Variants in NECTIN1 observed in about 807,000 individuals in gnomAD.
The protein encoded by NECTIN1 is nectin-1.
NECTIN1 carries 23 observed loss-of-function variants against 48.0 expected under a neutral mutation model. The observed-to-expected ratio is 0.48, with a 90% CI of 0.34 to 0.68. NECTIN1 has a LOEUF of 0.68. NECTIN1 is among the 30% of genes least tolerant of loss of function. The probability of loss-of-function intolerance (pLI) is 0.01; values close to 1 mark genes in which losing one functional copy is unlikely to be tolerated. For missense variants in NECTIN1, 591 were observed against 709.9 expected (o/e 0.83, Z 1.90); for synonymous variants, 270 against 288.9 (o/e 0.93, Z 0.66).
chr11:119,716,955 T>C (rs1182913052), intron 1 of NECTIN1, among the ~76,000 whole-genome samples: 1 of 152,192 alleles, frequency 6.6e-6, no homozygotes, highest in African/African-American at 2.4e-5. Flanking sequence ...AAAACACTTG[T>C]AAAGAAACAC....
intron 5 of NECTIN1, among the ~76,000 whole-genome samples, chr11:119,649,572 C>A (rs1591439665): frequency 6.6e-6 from 1 of 152,106 alleles, no homozygotes; most frequent in Middle Eastern, 3.4e-3. Flanking sequence ...GGCCTGTAGT[C>A]CCAGCTACTT....
In NECTIN1 at chr11:119,677,632, G is replaced by C; in HGVS notation, c.656C>G (p.Ala219Gly). The C allele has an allele frequency of 6.2e-7, 1 of 1,613,892 alleles. No individual in the cohort carries two copies. The highest frequency in any genetic ancestry group is 8.5e-7 in the Non-Finnish European group (1 of 1,180,014). The change falls in exon 3 of 6, where the codon GCC (alanine) becomes GGC (glycine). Residue 219 changes from alanine to glycine, a missense_variant. Transcript: ENST00000264025. The surrounding 1 kb of genome is among the most constrained non-coding windows in gnomAD (Gnocchi z 5.4). Reference sequence around the variant, plus strand: ...GATGCAGGCCAAGGACTGCTGGTGGGCTTCCCTGCTGGGCACCAGGCGGTA... The same window carrying C: ...GATGCAGGCCAAGGACTGCTGGTGGCCTTCCCTGCTGGGCACCAGGCGGTA... ...SRYRLVPSREAHQQSLACIVN... is the reference protein window; with the variant it reads ...SRYRLVPSREGHQQSLACIVN...
intron 5 of NECTIN1, among the ~76,000 whole-genome samples, chr11:119,644,486 C>T (rs541789964): frequency 2.6e-5 from 4 of 152,206 alleles, no homozygotes; most frequent in African/African-American, 7.2e-5. Flanking sequence ...AGCTTCACGG[C>T]GTGCTCCCTT....
intron 1 of NECTIN1, among the ~76,000 whole-genome samples, chr11:119,694,994 A>C (rs927992380): frequency 8.5e-5 from 13 of 152,064 alleles, no homozygotes; most frequent in Non-Finnish European, 1.8e-4. Flanking sequence ...CTCCACAGGG[A>C]GGTGAGGCTC....
At position 119,665,205 on chromosome 11, in the gene NECTIN1, G is replaced by A; in HGVS notation, c.1096C>T (p.Leu366=). The part of the protein sequence containing the change: ...IIGGVAGSIL[L]VLIVVGGIVV... ...ATCCCGCCGACCACAATCAACACCA[G>A]CAGGATGCTCCCCGCCACGCCCCCA... Residue 366 remains leucine, a synonymous_variant, in exon 6 of 6, where the codon CTG becomes TTG. Transcript: ENST00000264025. This position sits in a 1 kb window ranked among gnomAD's most constrained non-coding sequence, Gnocchi z 5.1. 1 of 1,607,214 alleles carries A rather than the reference G, an allele frequency of 6.2e-7. No homozygotes were observed. The highest frequency in any genetic ancestry group is 8.5e-7 in the Non-Finnish European group (1 of 1,179,650).
At chr11:119,682,301 G>A (rs896674013) in intron 1 of NECTIN1, among the ~76,000 whole-genome samples, 9 of 152,276 alleles carry the variant, frequency 5.9e-5, no homozygotes, top group African/African-American at 2.2e-4. Flanking sequence ...TGGAACAGGT[G>A]GGCCACGAGA....
intron 1 of NECTIN1, among the ~76,000 whole-genome samples, chr11:119,705,859 G>A (rs954647920): frequency 5.9e-5 from 9 of 151,658 alleles, no homozygotes; most frequent in Non-Finnish European, 8.8e-5. Flanking sequence ...CAAGGTCTAC[G>A]GAGCCCTCCT....
At position 119,684,792 on chromosome 11, in the gene NECTIN1, G is replaced by C. The variant is rs1336766362; in HGVS notation, c.80-6027C>G. On this transcript the variant is annotated intron_variant, in intron 1 of 5. Coordinates refer to ENST00000264025, the MANE Select transcript of NECTIN1 (RefSeq NM_002855.5). The surrounding 1 kb of genome is among the most constrained non-coding windows in gnomAD (Gnocchi z 5.2). The stretch of plus-strand genomic sequence containing the variant: ...ATCAGGACACCCACTTCCTTTCTGG[G>C]GTCCCCTCCTTTCACAGGTTTTGCC... 2.6e-5 allele frequency among the ~76,000 whole-genome samples: 4 copies of C among 152,060 alleles called. No individual in the cohort carries two copies. The highest frequency in any genetic ancestry group is 9.7e-5 in the African/African-American group (4 of 41,390).
chr11:119,638,849 G>C (rs1198953748), intron 6 of NECTIN1: 2 of 1,547,340 alleles, frequency 1.3e-6, no homozygotes, highest in Admixed American at 1.7e-5. Flanking sequence ...GAGCACACAT[G>C]GGGGCTCTCC....
chr11:119,655,594 C>T (rs773498187), intron 5 of NECTIN1, among the ~76,000 whole-genome samples: 18 of 152,304 alleles, frequency 1.2e-4, no homozygotes, highest in Non-Finnish European at 2.1e-4. Context: ...GGCCTGATGA[C>T]GATAGCATAG....
chr11:119,638,691 C>G, intron 7 of NECTIN1: 1 of 1,571,248 alleles, frequency 6.4e-7, no homozygotes. Flanking sequence ...TCTCCCTCCC[C>G]GCAGTCCAGG....
chr11:119,699,529 C>T (rs1227606842), intron 1 of NECTIN1, among the ~76,000 whole-genome samples: 2 of 152,184 alleles, frequency 1.3e-5, no homozygotes, highest in Non-Finnish European at 1.5e-5. Context: ...AACTCTGGCC[C>T]CTCTGGCGGG....
At chr11:119,651,819 G>T (rs1864495459) in intron 5 of NECTIN1, among the ~76,000 whole-genome samples, 1 of 152,146 alleles carries the variant, frequency 6.6e-6, no homozygotes, top group Admixed American at 6.5e-5. Context: ...CTCTGGGGCG[G>T]ACCTGCTACC....
At chr11:119,638,368 C>T (rs936789870) in intron 7 of NECTIN1, 1 of 1,293,902 alleles carries the variant, frequency 7.7e-7, no homozygotes, top group African/African-American at 1.5e-5. Context: ...TCTGGCATCC[C>T]CCACACTGGT....
At chr11:119,654,422 G>A (rs888529849) in intron 5 of NECTIN1, among the ~76,000 whole-genome samples, 3 of 152,084 alleles carry the variant, frequency 2.0e-5, no homozygotes, top group Non-Finnish European at 2.9e-5. Flanking sequence ...GGTAGGCCAG[G>A]TTCAGGGAGG....
downstream of NECTIN1, among the ~76,000 whole-genome samples, chr11:119,657,682 T>A (rs1268564962): frequency 6.7e-6 from 1 of 148,366 alleles, no homozygotes; most frequent in African/African-American, 2.5e-5. Context: ...GGAGGATTGC[T>A]TGAGGCCAGA....
downstream of NECTIN1, among the ~76,000 whole-genome samples, chr11:119,659,668 T>A (rs569529716): frequency 8.1e-4 from 124 of 152,296 alleles, no homozygotes; most frequent in Middle Eastern, 6.8e-3. Flanking sequence ...GGGAAAGGAC[T>A]GAGTCTGGCT....
Position 119,662,820 on chromosome 11 carries a change from C to T in NECTIN1, c.*1927G>A. ...ACTCCACAATTTTCTCCCCTAACTT[C>T]ACCCTATCCAGTACCCCAAATGTGT... is the stretch of plus-strand genomic sequence containing the variant. On this transcript the variant is annotated 3_prime_UTR_variant, in exon 6 of 6. Transcript: ENST00000264025. The surrounding 1 kb of genome is among the most constrained non-coding windows in gnomAD (Gnocchi z 5.3). The T allele has an allele frequency of 6.1e-6, 6 of 986,226 alleles. No individual in the cohort carries two copies. Among genetic ancestry groups the T allele is most frequent in the Non-Finnish European group, 7.2e-6 (6 of 830,238 alleles). The allele number at this position is 986,226 out of a possible 1,614,324, so 61.1% of individuals were successfully genotyped here. A position where few individuals can be genotyped will look rare whatever the true frequency, so the allele number is the denominator to read the frequency against.
intron 1 of NECTIN1, among the ~76,000 whole-genome samples, chr11:119,691,408 G>A (rs904429307): frequency 6.6e-6 from 1 of 152,252 alleles, no homozygotes; most frequent in Non-Finnish European, 1.5e-5. Context: ...AGGTGGGCGG[G>A]GAAAGTGGGA....
Sources: allele counts gnomAD v4.1 joint callset (sites outside exome capture counted in the v4.1 genomes callset), GRCh38; gene constraint gnomAD v4.1.1; non-coding constraint Gnocchi (gnomAD v3.1); transcripts MANE v1.5; gene names NCBI Gene and HGNC (gene_info 2026-07-23, HGNC 2026-07-21).